ADAMTSL3: variants seen among roughly 807,000 people sequenced by gnomAD.
The protein encoded by ADAMTSL3 is ADAMTS-like protein 3.
Under a neutral mutation model 201.7 loss-of-function variants are expected in ADAMTSL3, and 128 were observed. The observed-to-expected ratio is 0.63, with a 90% CI of 0.55 to 0.73. The LOEUF is 0.73. ADAMTSL3 is among the 30% of genes least tolerant of loss of function. The probability of loss-of-function intolerance (pLI) is 0.00; values close to 1 mark genes in which losing one functional copy is unlikely to be tolerated. For synonymous variants in ADAMTSL3, 738 were observed against 748.4 expected, an observed-to-expected ratio of 0.99 and a Z score of 0.23; for missense variants, 1,990 against 2,119.6, an observed-to-expected ratio of 0.94 and a Z score of 1.20.
chr15:83,818,630 A>G (rs957974029), intron 5 of ADAMTSL3, among the ~76,000 whole-genome samples: 5 of 152,144 alleles, frequency 3.3e-5, no homozygotes, highest in Non-Finnish European at 4.4e-5. Flanking sequence ...CCTGGCGGCT[A>G]TGTTGCTTTT....
chr15:83,931,270 C>T (rs1266465935), intron 17 of ADAMTSL3, among the ~76,000 whole-genome samples: 1 of 152,152 alleles, frequency 6.6e-6, no homozygotes, highest in Non-Finnish European at 1.5e-5. Context: ...AGCTTGTTAC[C>T]TATTTCTTGA....
chr15:83,727,519 A>G (rs1052481831), intron 3 of ADAMTSL3, among the ~76,000 whole-genome samples: 2 of 151,634 alleles, frequency 1.3e-5, no homozygotes, highest in Non-Finnish European at 3.0e-5. Context: ...TTTGGTGTTT[A>G]TTGCTATAAA....
chr15:83,774,627 G>C (rs1248470374), intron 4 of ADAMTSL3, among the ~76,000 whole-genome samples: 1 of 152,196 alleles, frequency 6.6e-6, no homozygotes, highest in Non-Finnish European at 1.5e-5. Context: ...GAGCATGGAA[G>C]CTTCAGTAAA....
At position 84,031,424 on chromosome 15, in the gene ADAMTSL3, CAG is replaced by C; in HGVS notation, c.4748_4749del (p.Arg1583LysfsTer15). The C allele has an allele frequency of 6.2e-7, 1 of 1,614,092 alleles. No individual in the cohort carries two copies. The highest frequency in any genetic ancestry group is 8.5e-7 in the Non-Finnish European group (1 of 1,179,992). ...ACAGCTCTGACTCCAACTGTGATGA[CAG>C]AAAGAGGTAGGGGCCCCACCCCAGA... ...HNSSDSNCDD[R>X]KRPTLRRNCT... On this transcript the variant is annotated frameshift_variant, in exon 28 of 30. Coordinates refer to ENST00000286744, the MANE Select transcript of ADAMTSL3 (RefSeq NM_207517.3). LOFTEE classifies it high-confidence loss of function.
chr15:83,969,587 G>A (rs1290495037), intron 19 of ADAMTSL3, among the ~76,000 whole-genome samples: 4 of 152,234 alleles, frequency 2.6e-5, no homozygotes, highest in African/African-American at 9.6e-5. Flanking sequence ...CAAGATGGAT[G>A]AACCTAGAGG....
At chr15:83,713,405 G>A (rs2061958660) in intron 3 of ADAMTSL3, among the ~76,000 whole-genome samples, 1 of 152,208 alleles carries the variant, frequency 6.6e-6, no homozygotes, top group South Asian at 2.1e-4. Context: ...CATAGTGAAG[G>A]GAGTAGATTT....
intron 11 of ADAMTSL3, 158 bp from the exon 12 acceptor site, chr15:83,891,171 G>A: frequency 1.8e-6 from 1 of 563,392 alleles, no homozygotes; most frequent in Non-Finnish European, 3.1e-6. Flanking sequence ...CTAAAGAGAT[G>A]GTGGCTGAAT....
intron 5 of ADAMTSL3, among the ~76,000 whole-genome samples, chr15:83,819,391 T>A (rs1371068525): frequency 6.6e-6 from 1 of 152,104 alleles, no homozygotes; most frequent in Non-Finnish European, 1.5e-5. Context: ...TAAATTTTGA[T>A]GAAGACCTTG....
intron 3 of ADAMTSL3, among the ~76,000 whole-genome samples, chr15:83,714,785 T>TTCTTTCTGTC: frequency 9.9e-6 from 1 of 101,322 alleles, no homozygotes; most frequent in Non-Finnish European, 2.2e-5. Flanking sequence ...CTTTCTTTCT[T>TTCTTTCTGTC]TTTCTTTCTC....
chr15:83,981,993 T>C (rs1448374317), intron 20 of ADAMTSL3, among the ~76,000 whole-genome samples: 1 of 152,236 alleles, frequency 6.6e-6, no homozygotes, highest in Non-Finnish European at 1.5e-5. Flanking sequence ...TCATTTAACC[T>C]CATGCCTCCC....
intron 15 of ADAMTSL3, among the ~76,000 whole-genome samples, chr15:83,910,037 A>G (rs2065904478): frequency 6.6e-6 from 1 of 151,984 alleles, no homozygotes; most frequent in Non-Finnish European, 1.5e-5. Flanking sequence ...CACTGCATTC[A>G]CTTCCAAGTC....
At chr15:83,739,885 C>A (rs745474004) in intron 3 of ADAMTSL3, 3 of 592,766 alleles carry the variant, frequency 5.1e-6, no homozygotes, top group Non-Finnish European at 9.9e-6. Flanking sequence ...TGCCTGACGA[C>A]CAGATGCCAG....
chr15:83,887,780 G>A (rs140709452), intron 10 of ADAMTSL3, among the ~76,000 whole-genome samples: 1 of 152,024 alleles, frequency 6.6e-6, no homozygotes, highest in East Asian at 1.9e-4. Context: ...TTGTAGAGAT[G>A]GCATCTCACT....
At chr15:83,901,622 G>C (rs548079109) in intron 15 of ADAMTSL3, among the ~76,000 whole-genome samples, 1 of 152,320 alleles carries the variant, frequency 6.6e-6, no homozygotes. Flanking sequence ...TGATGGAAAA[G>C]TGTATACGTA....
rs866654796 is a variant in ADAMTSL3 at position 83,742,319 on chromosome 15, G to C, written c.190-31204G>C. Among the ~76,000 whole-genome samples, 12 of 152,076 alleles carry C rather than the reference G, an allele frequency of 7.9e-5. No homozygotes were observed. In the South Asian group the frequency reaches 2.5e-3, roughly 31 times the overall value. ...ATGAAAAATTTTCAAACAGCCTTATGTTAACCTTAGGCTTACAGCCTAAGC... is the reference window on the plus strand; with the variant it reads ...ATGAAAAATTTTCAAACAGCCTTATCTTAACCTTAGGCTTACAGCCTAAGC... On this transcript the variant is annotated intron_variant, in intron 3 of 29. Transcript: ENST00000286744.
At chr15:83,714,850 TTCCCTCCCTCCCTCCC>T (rs369793230) in intron 3 of ADAMTSL3, among the ~76,000 whole-genome samples, 2,173 of 50,878 alleles carry the variant, frequency 0.043, 111 homozygotes, top group South Asian at 0.049. Flanking sequence ...TTCTCTCTCT[TTCCCTCCCTCCCTCCC>T]TCCCTCCCTC....
At chr15:83,837,229 G>A (rs942230748) in intron 6 of ADAMTSL3, among the ~76,000 whole-genome samples, 1 of 151,454 alleles carries the variant, frequency 6.6e-6, no homozygotes, top group Non-Finnish European at 1.5e-5. Flanking sequence ...CATAGGCATA[G>A]GTACAGCTAA....
At chr15:84,033,227 G>C (rs1258630788) in intron 28 of ADAMTSL3, among the ~76,000 whole-genome samples, 1 of 152,050 alleles carries the variant, frequency 6.6e-6, no homozygotes, top group Non-Finnish European at 1.5e-5. Flanking sequence ...AGTCTCCACA[G>C]TACAGCCAGA....
At chr15:83,678,838 A>C (rs890731145) in intron 2 of ADAMTSL3, among the ~76,000 whole-genome samples, 4 of 145,672 alleles carry the variant, frequency 2.7e-5, no homozygotes, top group African/African-American at 1.0e-4. Context: ...ATATATAAAT[A>C]TATATATAAA....
Sources: allele counts gnomAD v4.1 joint callset (sites outside exome capture counted in the v4.1 genomes callset), GRCh38; gene constraint gnomAD v4.1.1; transcripts MANE v1.5; gene names NCBI Gene and HGNC (gene_info 2026-07-23, HGNC 2026-07-21).